Variants in METTL25 observed in about 807,000 individuals in gnomAD.
METTL25 encodes probable methyltransferase-like protein 25.
In METTL25, 64 loss-of-function variants were observed where a neutral mutation model predicts 71.6. The ratio of observed to expected loss-of-function variants is 0.89; its 90% CI spans 0.73 to 1.10. METTL25 has a LOEUF of 1.10. Ranked by LOEUF, METTL25 falls within the 50% of genes least tolerant of loss-of-function variation. The pLI, the probability that METTL25 is intolerant of heterozygous loss-of-function variation, is 0.00. For synonymous variants in METTL25, 287 were observed against 250.3 expected (o/e 1.15, Z -1.38); for missense variants, 807 against 707.0 (o/e 1.14, Z -1.60).
intron 1 of METTL25, among the ~76,000 whole-genome samples, chr12:82,361,099 C>T (rs1342531837): frequency 6.6e-6 from 1 of 152,134 alleles, no homozygotes. Flanking sequence ...CCACCCACAT[C>T]CTGCCGATTG....
chr12:82,451,046 C>CT (rs1472914526), intron 8 of METTL25, among the ~76,000 whole-genome samples: 1 of 151,680 alleles, frequency 6.6e-6, no homozygotes, highest in African/African-American at 2.4e-5. Flanking sequence ...TTTTTGTTTC[C>CT]TTTCGTTCAC....
intron 5 of METTL25, among the ~76,000 whole-genome samples, chr12:82,425,798 T>G (rs372708650): frequency 2.6e-5 from 4 of 152,028 alleles, no homozygotes; most frequent in Middle Eastern, 3.2e-3. Flanking sequence ...TTTAGAATAA[T>G]GGAAAATGGT....
At chr12:82,413,312 CTAAG>C (rs1319530528) in intron 5 of METTL25, among the ~76,000 whole-genome samples, 1 of 151,986 alleles carries the variant, frequency 6.6e-6, no homozygotes, top group Non-Finnish European at 1.5e-5. Context: ...ACTCAGCAAA[CTAAG>C]TATGCACCCA....
At chr12:82,381,025 T>C (rs957238283) in intron 1 of METTL25, among the ~76,000 whole-genome samples, 1 of 152,224 alleles carries the variant, frequency 6.6e-6, no homozygotes, top group Admixed American at 6.5e-5. Flanking sequence ...TGGGAGTTGC[T>C]GAACCCCCTT....
intron 5 of METTL25, among the ~76,000 whole-genome samples, chr12:82,405,696 A>C (rs1287539678): frequency 6.6e-6 from 1 of 152,144 alleles, no homozygotes; most frequent in African/African-American, 2.4e-5. Flanking sequence ...GCTTTGAAAA[A>C]CCTAAAGGAA....
intron 5 of METTL25, among the ~76,000 whole-genome samples, chr12:82,422,989 T>G (rs1888660534): frequency 6.6e-6 from 1 of 152,176 alleles, no homozygotes; most frequent in Non-Finnish European, 1.5e-5. Context: ...ATTTAGAGAT[T>G]CATTGCCATC....
chr12:82,469,212 G>A (rs1176629866), intron 9 of METTL25, among the ~76,000 whole-genome samples: 1 of 152,090 alleles, frequency 6.6e-6, no homozygotes, highest in African/African-American at 2.4e-5. Flanking sequence ...TTAACATAAA[G>A]TATTTCTACA....
intron 1 of METTL25, among the ~76,000 whole-genome samples, chr12:82,378,872 A>T (rs779262081): frequency 2.0e-5 from 3 of 152,124 alleles, no homozygotes; most frequent in Non-Finnish European, 4.4e-5. Context: ...TAGAAAAAAT[A>T]AATTTAAAAA....
chr12:82,464,749 G>A (rs1892117891), intron 9 of METTL25, among the ~76,000 whole-genome samples: 1 of 151,706 alleles, frequency 6.6e-6, no homozygotes, highest in South Asian at 2.1e-4. Context: ...CATGAGCATG[G>A]GATGTTTCTC....
intron 3 of METTL25, among the ~76,000 whole-genome samples, chr12:82,394,521 C>G (rs754197983): frequency 1.3e-5 from 2 of 152,002 alleles, no homozygotes; most frequent in Non-Finnish European, 2.9e-5. Context: ...CATGTTCACT[C>G]ATTCATACTT....
At chr12:82,361,517 GA>G (rs1299834730) in intron 1 of METTL25, among the ~76,000 whole-genome samples, 11 of 152,190 alleles carry the variant, frequency 7.2e-5, no homozygotes, top group African/African-American at 2.2e-4. Flanking sequence ...CGGTGGGGGG[GA>G]GGGGGACTCA....
chr12:82,417,566 G>A (rs967167600), intron 5 of METTL25, among the ~76,000 whole-genome samples: 19 of 152,076 alleles, frequency 1.2e-4, no homozygotes, highest in African/African-American at 4.3e-4. Context: ...TCTAACAAAA[G>A]GATTCCAACT....
chr12:82,379,651 A>C (rs1884233810), intron 1 of METTL25, among the ~76,000 whole-genome samples: 1 of 152,218 alleles, frequency 6.6e-6, no homozygotes, highest in South Asian at 2.1e-4. Context: ...TTTCACATCA[A>C]ATTTAGTAAG....
chr12:82,461,304 C>CCTTTG (rs1391341855), intron 9 of METTL25, among the ~76,000 whole-genome samples: 1 of 152,074 alleles, frequency 6.6e-6, no homozygotes. Context: ...GTTTATCAAA[C>CCTTTG]CTTTGCTTTG....
intron 1 of METTL25, among the ~76,000 whole-genome samples, chr12:82,375,955 A>T (rs555431404): frequency 2.6e-4 from 39 of 152,354 alleles, no homozygotes; most frequent in African/African-American, 9.1e-4. Context: ...TCAAAAATGT[A>T]CATCTCAATA....
intron 3 of METTL25, among the ~76,000 whole-genome samples, chr12:82,392,212 G>A (rs965065526): frequency 6.0e-5 from 9 of 150,040 alleles, no homozygotes; most frequent in African/African-American, 2.2e-4. Context: ...CCACTAACTC[G>A]TCATCTAGCA....
Position 82,387,715 on chromosome 12 carries a change from G to GCA in METTL25, c.424+764_424+765dup, listed in dbSNP as rs34068056. ...GTAGTTCTCTTCTACACACACACGC[G>GCA]CACACACACACACACACTCTTTTTC... On this transcript the variant is annotated intron_variant, in intron 2 of 11. Transcript: ENST00000248306. Among the ~76,000 whole-genome samples, 603 of 150,376 alleles carry GCA rather than the reference G, an allele frequency of 4.0e-3. 2 individuals are homozygous for GCA. The highest frequency in any genetic ancestry group is 7.1e-3 in the East Asian group (36 of 5,092).
intron 1 of METTL25, among the ~76,000 whole-genome samples, chr12:82,370,474 A>C (rs1001846554): frequency 1.3e-5 from 2 of 152,158 alleles, no homozygotes; most frequent in Admixed American, 6.5e-5. Context: ...GTGGCACCTC[A>C]TACTATCCCT....
At chr12:82,364,956 CA>C (rs751566878) in intron 1 of METTL25, among the ~76,000 whole-genome samples, 1 of 152,248 alleles carries the variant, frequency 6.6e-6, no homozygotes, top group South Asian at 2.1e-4. Flanking sequence ...CTATTTTCAG[CA>C]TCATAAACAG....
Sources: gnomAD v4.1 joint callset for allele counts (sites outside exome capture counted in the v4.1 genomes callset) on GRCh38, gnomAD v4.1.1 for gene constraint, MANE v1.5 for transcripts, NCBI Gene and HGNC (gene_info 2026-07-23, HGNC 2026-07-21) for gene names.